MYT1L: variants seen among roughly 807,000 people sequenced by gnomAD.
MYT1L encodes myelin transcription factor 1 like, also known as myelin transcription factor 1-like protein.
Under a neutral mutation model 126.7 loss-of-function variants are expected in MYT1L, and 12 were observed. That is an observed-to-expected ratio of 0.09 (90% CI 0.06 to 0.15). The LOEUF is 0.15. MYT1L is among the 10% of genes least tolerant of loss of function. The pLI, the probability that MYT1L is intolerant of heterozygous loss-of-function variation, is 1.00. For synonymous variants in MYT1L, 541 were observed against 604.2 expected, an observed-to-expected ratio of 0.90 and a Z score of 1.53; for missense variants, 979 against 1,585.2, an observed-to-expected ratio of 0.62 and a Z score of 6.49.
chr2:2,036,557 G>A (rs1316826499), intron 4 of MYT1L, among the ~76,000 whole-genome samples: 1 of 152,188 alleles, frequency 6.6e-6, no homozygotes, highest in African/African-American at 2.4e-5. Flanking sequence ...CATCCACACA[G>A]CTCCTCATGG....
intron 3 of MYT1L, among the ~76,000 whole-genome samples, chr2:2,160,353 T>C (rs1405850253): frequency 6.6e-6 from 1 of 152,198 alleles, no homozygotes; most frequent in Non-Finnish European, 1.5e-5. Context: ...AAGAAAAGCA[T>C]TTACTTTGAT....
intron 13 of MYT1L, among the ~76,000 whole-genome samples, chr2:1,907,862 C>G (rs917216260): frequency 2.0e-5 from 3 of 152,252 alleles, no homozygotes; most frequent in African/African-American, 7.2e-5. Context: ...AGCTGTCACA[C>G]CCAGCATGCC....
chr2:1,980,525 T>C (rs1306991810), intron 5 of MYT1L, among the ~76,000 whole-genome samples: 1 of 152,124 alleles, frequency 6.6e-6, no homozygotes, highest in Non-Finnish European at 1.5e-5. Flanking sequence ...TTGAGGCATC[T>C]AGACCTTCCA....
chr2:2,101,953 C>T (rs2078147232), intron 3 of MYT1L, among the ~76,000 whole-genome samples: 1 of 152,220 alleles, frequency 6.6e-6, no homozygotes, highest in African/African-American at 2.4e-5. Context: ...TTAGGTTTCT[C>T]CATTCCAAAC....
chr2:1,859,568 C>T lies in MYT1L; in HGVS notation c.2712-7865G>A, dbSNP rs923438881. Among the ~76,000 whole-genome samples, 10 of 152,104 alleles carry T rather than the reference C, an allele frequency of 6.6e-5. No individual in the cohort carries two copies. The South Asian group carries it at 1.4e-3, about 22-fold the overall frequency. ...TATGGCTGGCAAAATAGCAACTGGG[C>T]GAGTGAAGAAGCATTATTAGTTGTA... is the stretch of plus-strand genomic sequence containing the variant. On this transcript the variant is annotated intron_variant, in intron 18 of 24. Coordinates refer to ENST00000647738, the MANE Select transcript of MYT1L (RefSeq NM_001303052.2).
At chr2:1,926,440 C>T (rs2054240559) in intron 9 of MYT1L, among the ~76,000 whole-genome samples, 1 of 152,274 alleles carries the variant, frequency 6.6e-6, no homozygotes, top group South Asian at 2.1e-4. Flanking sequence ...CACATGATGG[C>T]ATGGGCTATG....
At chr2:1,878,964 T>C (rs2047232173) in intron 18 of MYT1L, among the ~76,000 whole-genome samples, 1 of 152,126 alleles carries the variant, frequency 6.6e-6, no homozygotes, top group Non-Finnish European at 1.5e-5. Context: ...AACAAACCTC[T>C]TTCTGTAAAA....
At chr2:2,086,207 TAG>T (rs959436411) in intron 3 of MYT1L, among the ~76,000 whole-genome samples, 4 of 152,134 alleles carry the variant, frequency 2.6e-5, no homozygotes, top group African/African-American at 9.7e-5. Flanking sequence ...AACATGCTGT[TAG>T]GAAGAGATGC....
In MYT1L at chr2:2,194,079, C is replaced by CAT. The variant is rs557488545; in HGVS notation, c.-420-21093_-420-21092dup. On this transcript the variant is annotated intron_variant, in intron 2 of 24. Coordinates refer to ENST00000647738, the MANE Select transcript of MYT1L (RefSeq NM_001303052.2). ...TGATGGTTATTTTATAGCTATTATT[C>CAT]ATATATATATATATTTTTGAGATGG... 7.8e-4 allele frequency among the ~76,000 whole-genome samples: 117 copies of CAT among 150,864 alleles called. 2 individuals are homozygous for CAT. In the East Asian group the frequency reaches 0.013, roughly 17 times the overall value.
At chr2:1,874,703 C>T (rs909958904) in intron 18 of MYT1L, among the ~76,000 whole-genome samples, 17 of 152,204 alleles carry the variant, frequency 1.1e-4, no homozygotes, top group African/African-American at 3.1e-4. Flanking sequence ...CTGCCCGTGC[C>T]GTTTGCCACC....
chr2:2,141,141 A>T (rs2083916241), intron 3 of MYT1L, among the ~76,000 whole-genome samples: 1 of 152,164 alleles, frequency 6.6e-6, no homozygotes. Flanking sequence ...CAAAGAGATA[A>T]CTACTGTTTG....
At chr2:2,319,824 G>A (rs1171145361) in intron 1 of MYT1L, among the ~76,000 whole-genome samples, 1 of 151,670 alleles carries the variant, frequency 6.6e-6, no homozygotes, top group Non-Finnish European at 1.5e-5. Context: ...CTTTTTGTGG[G>A]GCAGAAATTT....
At chr2:2,314,124 C>A (rs2096022161) in intron 1 of MYT1L, among the ~76,000 whole-genome samples, 1 of 152,062 alleles carries the variant, frequency 6.6e-6, no homozygotes, top group African/African-American at 2.4e-5. Context: ...CAATAAGAAA[C>A]AAAACTCCAC....
intron 21 of MYT1L, among the ~76,000 whole-genome samples, chr2:1,834,370 C>T (rs2040553532): frequency 6.6e-6 from 1 of 152,234 alleles, no homozygotes; most frequent in Admixed American, 6.5e-5. Flanking sequence ...TTTCTGTGCG[C>T]TTAGCTGTGT....
intron 4 of MYT1L, among the ~76,000 whole-genome samples, chr2:2,004,888 C>T (rs1179781115): frequency 6.6e-6 from 1 of 150,948 alleles, no homozygotes; most frequent in Non-Finnish European, 1.5e-5. Context: ...GAGTTCTTTC[C>T]TGCATGTGTT....
intron 3 of MYT1L, among the ~76,000 whole-genome samples, chr2:2,163,146 C>A (rs2088314125): frequency 6.6e-6 from 1 of 152,138 alleles, no homozygotes; most frequent in South Asian, 2.1e-4. Flanking sequence ...CCACCTGACC[C>A]TAAATGAGCA....
intron 1 of MYT1L, among the ~76,000 whole-genome samples, chr2:2,318,110 T>C (rs1015346722): frequency 5.3e-5 from 8 of 152,232 alleles, no homozygotes; most frequent in Non-Finnish European, 8.8e-5. Flanking sequence ...GAGGCTAAAA[T>C]ACATGATTCA....
In MYT1L at chr2:1,791,324, T is replaced by G; in HGVS notation, c.*543A>C. On this transcript the variant is annotated 3_prime_UTR_variant, in exon 25 of 25. Coordinates refer to ENST00000647738, the MANE Select transcript of MYT1L (RefSeq NM_001303052.2). The surrounding 1 kb of genome is among the most constrained non-coding windows in gnomAD (Gnocchi z 6.0). Reference sequence around the variant, plus strand: ...CAAGCATTGTTCAAAAATAAAGCATTTTTGCAACGAATTCTTGCTATGAAA... The same window carrying G: ...CAAGCATTGTTCAAAAATAAAGCATGTTTGCAACGAATTCTTGCTATGAAA... The G allele has an allele frequency of 2.2e-6, 1 of 450,270 alleles. No individual in the cohort carries two copies. The allele number at this position is 450,270 out of a possible 1,614,324, so 27.9% of individuals were successfully genotyped here. A position where few individuals can be genotyped will look rare whatever the true frequency, so the allele number is the denominator to read the frequency against.
At chr2:2,111,482 G>T (rs1559043527) in intron 3 of MYT1L, among the ~76,000 whole-genome samples, 1 of 152,226 alleles carries the variant, frequency 6.6e-6, no homozygotes, top group African/African-American at 2.4e-5. Context: ...TTACAAGGTG[G>T]TTAAGAAACT....
Sources: allele counts gnomAD v4.1 joint callset (sites outside exome capture counted in the v4.1 genomes callset), GRCh38; gene constraint gnomAD v4.1.1; non-coding constraint Gnocchi (gnomAD v3.1); transcripts MANE v1.5; gene names NCBI Gene and HGNC (gene_info 2026-07-23, HGNC 2026-07-21).